Variants in CRTAC1 observed in about 807,000 individuals in gnomAD.
The protein encoded by CRTAC1 is cartilage acidic protein 1.
A neutral mutation model predicts 67.8 loss-of-function variants in CRTAC1; 37 were observed. The observed-to-expected ratio is 0.55, with a 90% CI of 0.42 to 0.72. The LOEUF (loss-of-function observed/expected upper bound fraction) is 0.72. CRTAC1 is among the 30% of genes least tolerant of loss of function. The pLI is 0.00. For synonymous variants in CRTAC1, 348 were observed against 371.0 expected (o/e 0.94, Z 0.71); for missense variants, 780 against 931.6 (o/e 0.84, Z 2.12).
At chr10:97,976,407 T>TA (rs1282575854) in intron 2 of CRTAC1, among the ~76,000 whole-genome samples, 1 of 152,242 alleles carries the variant, frequency 6.6e-6, no homozygotes, top group Admixed American at 6.5e-5. Context: ...CTGATCTTGC[T>TA]AGGCTTCACC....
intron 3 of CRTAC1, among the ~76,000 whole-genome samples, chr10:97,928,229 C>A (rs1392653443): frequency 6.6e-6 from 1 of 152,026 alleles, no homozygotes; most frequent in Non-Finnish European, 1.5e-5. Context: ...AGTAGAACCA[C>A]CATTTGCTGC....
chr10:97,892,416 A>G (rs1308653845), intron 11 of CRTAC1, among the ~76,000 whole-genome samples: 3 of 152,188 alleles, frequency 2.0e-5, no homozygotes, highest in Non-Finnish European at 2.9e-5. Context: ...GCAACCACCT[A>G]CGATACCGTG....
chr10:97,962,757 T>C (rs1175145587), intron 2 of CRTAC1, among the ~76,000 whole-genome samples: 1 of 150,154 alleles, frequency 6.7e-6, no homozygotes, highest in Non-Finnish European at 1.5e-5. Flanking sequence ...ACATCTGCTC[T>C]CTCTGTCACC....
At chr10:98,015,599 G>A (rs892392972) in intron 1 of CRTAC1, among the ~76,000 whole-genome samples, 3 of 152,088 alleles carry the variant, frequency 2.0e-5, no homozygotes, top group African/African-American at 7.2e-5. Flanking sequence ...ATGTAGCAAG[G>A]GCACCAAATT....
At chr10:97,876,728 T>C (rs779904930) in intron 14 of CRTAC1, among the ~76,000 whole-genome samples, 6 of 152,150 alleles carry the variant, frequency 3.9e-5, no homozygotes, top group Non-Finnish European at 5.9e-5. Flanking sequence ...AAAGACAGAC[T>C]TATCTGTGTG....
intron 5 of CRTAC1, among the ~76,000 whole-genome samples, chr10:97,913,138 G>A (rs1030728171): frequency 6.6e-6 from 1 of 152,016 alleles, no homozygotes; most frequent in Non-Finnish European, 1.5e-5. Flanking sequence ...GAGAGAGAGT[G>A]TGTGTGTGTG....
At chr10:97,962,722 A>G (rs2051546613) in intron 2 of CRTAC1, among the ~76,000 whole-genome samples, 1 of 151,980 alleles carries the variant, frequency 6.6e-6, no homozygotes, top group Non-Finnish European at 1.5e-5. Flanking sequence ...TAGAAAAGGC[A>G]GAGAGTTCCA....
intron 2 of CRTAC1, among the ~76,000 whole-genome samples, chr10:97,947,558 T>C (rs1038090880): frequency 6.6e-6 from 1 of 152,108 alleles, no homozygotes; most frequent in Non-Finnish European, 1.5e-5. Flanking sequence ...GAAAAGCAAA[T>C]TGGAAAAGTA....
At chr10:97,989,776 A>G (rs1487299775) in intron 2 of CRTAC1, among the ~76,000 whole-genome samples, 1 of 152,256 alleles carries the variant, frequency 6.6e-6, no homozygotes, top group African/African-American at 2.4e-5. Context: ...CAGAGAGGCT[A>G]GGTAACTCGT....
chr10:98,025,776 T>C (rs1843220268), intron 1 of CRTAC1, among the ~76,000 whole-genome samples: 1 of 152,206 alleles, frequency 6.6e-6, no homozygotes. Flanking sequence ...TCAGCACTCT[T>C]AAATCACTAG....
chr10:97,899,749 C>A (rs11189427), intron 8 of CRTAC1, among the ~76,000 whole-genome samples: 11,599 of 152,178 alleles, frequency 0.076, 503 homozygotes, highest in South Asian at 0.12. Flanking sequence ...AATAGTTGGG[C>A]CCTCCCGGGA....
chr10:97,887,771 T>C (rs144908000), intron 11 of CRTAC1, among the ~76,000 whole-genome samples: 25 of 152,356 alleles, frequency 1.6e-4, no homozygotes, highest in Middle Eastern at 6.8e-3. Flanking sequence ...ACAGCCTTTC[T>C]ACCCTGGAGC....
At chr10:97,968,341 C>G (rs1405269300) in intron 2 of CRTAC1, among the ~76,000 whole-genome samples, 1 of 152,214 alleles carries the variant, frequency 6.6e-6, no homozygotes, top group Non-Finnish European at 1.5e-5. Context: ...CTCCCAGGTT[C>G]AAGCGATTCT....
intron 2 of CRTAC1, among the ~76,000 whole-genome samples, chr10:97,997,051 C>A (rs1842590048): frequency 8.2e-6 from 1 of 122,432 alleles, no homozygotes; most frequent in Non-Finnish European, 1.6e-5. Context: ...CACATGGACA[C>A]AGGAAGGGGA....
intron 7 of CRTAC1, among the ~76,000 whole-genome samples, chr10:97,902,996 T>C (rs1402261933): frequency 1.3e-5 from 2 of 151,980 alleles, no homozygotes; most frequent in African/African-American, 4.8e-5. Flanking sequence ...AAACCTCCCA[T>C]AGCCCCCTTG....
chr10:97,928,750 C>T (rs533368446), intron 3 of CRTAC1, among the ~76,000 whole-genome samples: 7 of 152,176 alleles, frequency 4.6e-5, no homozygotes, highest in African/African-American at 1.7e-4. Flanking sequence ...ATGCACTCTA[C>T]AGTTTAGGCA....
intron 2 of CRTAC1, among the ~76,000 whole-genome samples, chr10:97,943,439 G>A (rs2051209907): frequency 6.6e-6 from 1 of 152,264 alleles, no homozygotes; most frequent in Non-Finnish European, 1.5e-5. Flanking sequence ...AGGACTCTGA[G>A]ATATGATCAT....
intron 2 of CRTAC1, among the ~76,000 whole-genome samples, chr10:97,994,424 A>C (rs1416878474): frequency 6.6e-6 from 1 of 152,310 alleles, no homozygotes; most frequent in South Asian, 2.1e-4. Flanking sequence ...TTTATAAGCC[A>C]TAAGTTTTGG....
chr10:97,919,203 C>T, intron 4 of CRTAC1, among the ~76,000 whole-genome samples: 1 of 152,094 alleles, frequency 6.6e-6, no homozygotes, highest in Non-Finnish European at 1.5e-5. Context: ...GTTAGAGTCT[C>T]CTGGGTGACA....
Sources: gnomAD v4.1 joint callset for allele counts (sites outside exome capture counted in the v4.1 genomes callset) on GRCh38, gnomAD v4.1.1 for gene constraint, MANE v1.5 for transcripts, NCBI Gene and HGNC (gene_info 2026-07-23, HGNC 2026-07-21) for gene names.